CSMD1: variants seen among roughly 807,000 people sequenced by gnomAD.
The protein encoded by CSMD1 is CUB and sushi domain-containing protein 1.
A neutral mutation model predicts 417.5 loss-of-function variants in CSMD1; 213 were observed. The observed-to-expected ratio is 0.51, with a 90% CI of 0.46 to 0.57. CSMD1 has a LOEUF of 0.57. CSMD1 is among the 20% of genes least tolerant of loss of function. The pLI, the probability that CSMD1 is intolerant of heterozygous loss-of-function variation, is 0.00. For synonymous variants in CSMD1, 2,862 were observed against 1,736.8 expected, an observed-to-expected ratio of 1.65 and a Z score of -16.11; for missense variants, 6,923 against 4,529.7, an observed-to-expected ratio of 1.53 and a Z score of -15.17.
intron 5 of CSMD1, among the ~76,000 whole-genome samples, chr8:3,928,431 C>G (rs1231685860): frequency 6.6e-6 from 1 of 152,146 alleles, no homozygotes; most frequent in Non-Finnish European, 1.5e-5. Flanking sequence ...CCTAACTTTT[C>G]AAAAACCAGT....
chr8:3,218,858 G>A (rs1798037981), intron 29 of CSMD1, among the ~76,000 whole-genome samples: 1 of 151,332 alleles, frequency 6.6e-6, no homozygotes, highest in South Asian at 2.1e-4. Flanking sequence ...GGCAACAAGA[G>A]CAAAACTCTG....
At chr8:3,463,643 C>T (rs887058269) in intron 12 of CSMD1, among the ~76,000 whole-genome samples, 2 of 152,174 alleles carry the variant, frequency 1.3e-5, no homozygotes, top group East Asian at 1.9e-4. Context: ...AGGGACAGCA[C>T]CCTGTGCCGT....
chr8:4,917,756 T>G (rs1174400650), intron 1 of CSMD1, among the ~76,000 whole-genome samples: 1 of 152,190 alleles, frequency 6.6e-6, no homozygotes, highest in Admixed American at 6.5e-5. Flanking sequence ...GGATGCCAAG[T>G]TCACAATACC....
At chr8:3,773,760 A>G (rs1452966783) in intron 5 of CSMD1, among the ~76,000 whole-genome samples, 2 of 152,188 alleles carry the variant, frequency 1.3e-5, no homozygotes, top group Non-Finnish European at 2.9e-5. Flanking sequence ...ACACTAACCC[A>G]GAATAAATAT....
chr8:3,726,464 T>G (rs894630344), intron 6 of CSMD1, among the ~76,000 whole-genome samples: 1 of 152,186 alleles, frequency 6.6e-6, no homozygotes, highest in Non-Finnish European at 1.5e-5. Flanking sequence ...ATTGAATGTG[T>G]AGAGCCAGAT....
intron 2 of CSMD1, among the ~76,000 whole-genome samples, chr8:4,580,617 CCTT>C (rs1273107209): frequency 2.0e-5 from 3 of 152,136 alleles, no homozygotes; most frequent in South Asian, 2.1e-4. Flanking sequence ...TCTCTCCCCT[CCTT>C]CTTCTTCGTG....
chr8:4,214,660 G>C (rs141299032), intron 3 of CSMD1, among the ~76,000 whole-genome samples: 1 of 152,254 alleles, frequency 6.6e-6, no homozygotes, highest in Non-Finnish European at 1.5e-5. Context: ...GTATGTGTGT[G>C]TGTATGAGTA....
At chr8:3,241,653 C>G (rs1363848225) in intron 26 of CSMD1, among the ~76,000 whole-genome samples, 2 of 152,156 alleles carry the variant, frequency 1.3e-5, no homozygotes, top group African/African-American at 4.8e-5. Context: ...ATTCCTTGGC[C>G]TGGTGGCCAG....
At chr8:3,101,911 C>G (rs1250004731) in intron 46 of CSMD1, among the ~76,000 whole-genome samples, 1 of 150,502 alleles carries the variant, frequency 6.6e-6, no homozygotes, top group Non-Finnish European at 1.5e-5. Context: ...AAGCAATTCT[C>G]CAGCCTCAGC....
At chr8:3,643,314 G>A (rs1194735111) in intron 7 of CSMD1, among the ~76,000 whole-genome samples, 1 of 151,862 alleles carries the variant, frequency 6.6e-6, no homozygotes, top group Admixed American at 6.6e-5. Context: ...CAAAGAAAGA[G>A]GTGAAAAAAA....
At chr8:3,804,718 G>C (rs1276881322) in intron 5 of CSMD1, among the ~76,000 whole-genome samples, 1 of 152,158 alleles carries the variant, frequency 6.6e-6, no homozygotes, top group African/African-American at 2.4e-5. Context: ...ATATATTTGT[G>C]TATGATATTT....
intron 23 of CSMD1, among the ~76,000 whole-genome samples, chr8:3,341,490 G>C (rs975200899): frequency 3.3e-5 from 5 of 152,182 alleles, no homozygotes; most frequent in Non-Finnish European, 5.9e-5. Context: ...ACTAGGGTTG[G>C]AAACGTAATG....
At chr8:4,518,594 C>T (rs1021732041) in intron 2 of CSMD1, among the ~76,000 whole-genome samples, 19 of 142,612 alleles carry the variant, frequency 1.3e-4, no homozygotes, top group Non-Finnish European at 2.2e-4. Context: ...GGAAGGGGAA[C>T]ATCACACACC....
chr8:2,973,179 C>T lies in CSMD1; in HGVS notation c.8861G>A (p.Gly2954Asp). 1 of 1,613,784 alleles carries T rather than the reference C, an allele frequency of 6.2e-7. No individual in the cohort carries two copies. Among genetic ancestry groups the T allele is most frequent in the Non-Finnish European group, 8.5e-7 (1 of 1,179,756 alleles). Residue 2954 changes from glycine (G) to aspartate (D), a missense_variant, in exon 57 of 70, where the codon GGC becomes GAC. By Grantham distance (94) the Gly-to-Asp change is moderately conservative. Coordinates refer to ENST00000635120, the MANE Select transcript of CSMD1 (RefSeq NM_033225.6). ...GAGCAAACACGTGCGTTCAGGGGAG[C>T]CCCTCAGCTGGTGCCCCATTTCACA... Reference protein sequence around the residue: ...FSCEMGHQLRGSPERTCLLNG... With the variant: ...FSCEMGHQLRDSPERTCLLNG...
At chr8:3,843,724 G>A (rs181876158) in intron 5 of CSMD1, among the ~76,000 whole-genome samples, 1 of 152,196 alleles carries the variant, frequency 6.6e-6, no homozygotes, top group Non-Finnish European at 1.5e-5. Context: ...AGCACTGAAA[G>A]GAGGTGGCTG....
chr8:3,042,279 G>C (rs376850796), intron 50 of CSMD1, among the ~76,000 whole-genome samples: 2 of 151,836 alleles, frequency 1.3e-5, no homozygotes, highest in African/African-American at 4.8e-5. Context: ...ACAGAGACTC[G>C]TGCATCTCCT....
chr8:4,951,681 T>C (rs1252642929), intron 1 of CSMD1, among the ~76,000 whole-genome samples: 1 of 151,592 alleles, frequency 6.6e-6, no homozygotes, highest in Non-Finnish European at 1.5e-5. Flanking sequence ...TAGTAAAAAA[T>C]GAGGAATCCT....
intron 1 of CSMD1, among the ~76,000 whole-genome samples, chr8:4,671,358 TA>T (rs555748862): frequency 4.1e-4 from 63 of 152,212 alleles, no homozygotes; most frequent in African/African-American, 1.3e-3. Flanking sequence ...TTTATCTACT[TA>T]AAAAAAATTA....
At position 4,358,474 on chromosome 8, in the gene CSMD1, C is replaced by G. The variant is rs548702314; in HGVS notation, c.415+61479G>C. 5.2e-3 allele frequency among the ~76,000 whole-genome samples: 790 copies of G among 152,328 alleles called. 5 individuals carry two copies. The highest frequency in any genetic ancestry group is 0.018 in the African/African-American group (749 of 41,582). On this transcript the variant is annotated intron_variant, in intron 3 of 69. Coordinates refer to ENST00000635120, the MANE Select transcript of CSMD1 (RefSeq NM_033225.6). ...GCCTGGGGGGAGCTGCCACTGGCTCCTTTCCACAAGGTGTATGTCTCCTTT... is the reference window on the plus strand; with the variant it reads ...GCCTGGGGGGAGCTGCCACTGGCTCGTTTCCACAAGGTGTATGTCTCCTTT...
Sources: gnomAD v4.1 joint callset for allele counts (sites outside exome capture counted in the v4.1 genomes callset) on GRCh38, gnomAD v4.1.1 for gene constraint, MANE v1.5 for transcripts, NCBI Gene and HGNC (gene_info 2026-07-23, HGNC 2026-07-21) for gene names.